TUSC3: variants seen among roughly 807,000 people sequenced by gnomAD.
TUSC3 encodes tumor suppressor candidate 3, also known as dolichyl-diphosphooligosaccharide--protein glycosyltransferase subunit TUSC3.
Under a neutral mutation model 44.8 loss-of-function variants are expected in TUSC3, and 45 were observed. The ratio of observed to expected loss-of-function variants is 1.00; its 90% CI spans 0.79 to 1.29. The LOEUF is 1.29. Ranked by LOEUF, TUSC3 falls within the 50% of genes most tolerant of loss-of-function variation. TUSC3 has a pLI of 0.00. For synonymous variants in TUSC3, 212 were observed against 152.9 expected, an observed-to-expected ratio of 1.39 and a Z score of -2.85; for missense variants, 519 against 437.9, an observed-to-expected ratio of 1.19 and a Z score of -1.65.
the TUSC3 span, among the ~76,000 whole-genome samples, chr8:15,836,544 A>AT: frequency 1.3e-5 from 2 of 151,920 alleles, no homozygotes; most frequent in African/African-American, 4.8e-5. Context: ...TCTCTGTCTT[A>AT]CCCTTTTCCA....
At position 15,578,944 on chromosome 8, in the gene TUSC3, C is replaced by G. The variant is rs373462490; in HGVS notation, c.138+38376C>G. ...GAATTCAGCTGTGAATCCATCTGGTCCTGGACTCTTTTTGGCTGGTAAGCT... is the reference window on the plus strand; with the variant it reads ...GAATTCAGCTGTGAATCCATCTGGTGCTGGACTCTTTTTGGCTGGTAAGCT... On this transcript the variant is annotated intron_variant, in intron 1 of 10. Coordinates refer to ENST00000503731, the MANE Select transcript of TUSC3 (RefSeq NM_006765.4). 3.5e-3 allele frequency among the ~76,000 whole-genome samples: 531 copies of G among 152,136 alleles called. 8 individuals are homozygous for G. The East Asian group carries it at 0.036, about 10-fold the overall frequency.
At chr8:15,592,144 A>G (rs1272997129) in intron 1 of TUSC3, among the ~76,000 whole-genome samples, 5 of 152,194 alleles carry the variant, frequency 3.3e-5, no homozygotes, top group Non-Finnish European at 7.4e-5. Context: ...TAGATTCTTG[A>G]CTTGAATAGT....
upstream of TUSC3, among the ~76,000 whole-genome samples, chr8:15,539,345 C>CTT (rs35685582): frequency 0.015 from 1,050 of 69,388 alleles, 52 homozygotes; most frequent in African/African-American, 0.021. Flanking sequence ...TGCTATGGTT[C>CTT]TTTTTTTTTT....
At chr8:15,614,826 AAT>A (rs893741613) in intron 1 of TUSC3, among the ~76,000 whole-genome samples, 2 of 151,976 alleles carry the variant, frequency 1.3e-5, no homozygotes, top group African/African-American at 4.8e-5. Context: ...GTTACATAAT[AAT>A]TTATATATGA....
At chr8:15,803,679 A>G in the TUSC3 span, among the ~76,000 whole-genome samples, 1 of 152,068 alleles carries the variant, frequency 6.6e-6, no homozygotes, top group Non-Finnish European at 1.5e-5. Context: ...CCCTGCATGC[A>G]TTAGGTATTT....
At chr8:15,794,682 T>C in the TUSC3 span, among the ~76,000 whole-genome samples, 1 of 147,538 alleles carries the variant, frequency 6.8e-6, no homozygotes, top group Non-Finnish European at 1.5e-5. Flanking sequence ...GACACCTGCA[T>C]GTGAGTGTGC....
At chr8:15,507,854 C>G (rs73536418) in intron 2 of TUSC3, among the ~76,000 whole-genome samples, 5,260 of 152,042 alleles carry the variant, frequency 0.035, 307 homozygotes, top group African/African-American at 0.12. Context: ...TTAATGGCCT[C>G]CCCAAGAGGT....
intron 3 of TUSC3, among the ~76,000 whole-genome samples, chr8:15,652,836 A>T (rs754887825): frequency 6.6e-6 from 1 of 152,206 alleles, no homozygotes; most frequent in Non-Finnish European, 1.5e-5. Context: ...CAAATATCTT[A>T]CATGACTAGA....
At chr8:15,547,952 C>CT (rs1210131850) in intron 1 of TUSC3, among the ~76,000 whole-genome samples, 1 of 151,276 alleles carries the variant, frequency 6.6e-6, no homozygotes, top group African/African-American at 2.4e-5. Context: ...TTATTTTTAA[C>CT]TTTTTTCTGT....
At chr8:15,417,765 G>A (rs983835222) in intron 1 of TUSC3, among the ~76,000 whole-genome samples, 3 of 152,200 alleles carry the variant, frequency 2.0e-5, no homozygotes, top group African/African-American at 7.2e-5. Context: ...CTAGCCAGCT[G>A]TAATCATTTA....
intron 8 of TUSC3, among the ~76,000 whole-genome samples, chr8:15,744,157 T>C (rs935865365): frequency 8.5e-5 from 13 of 152,186 alleles, no homozygotes; most frequent in African/African-American, 3.1e-4. Context: ...TCCATTGATA[T>C]ACCAAGATTT....
chr8:15,523,793 T>G (rs1427626418), intron 2 of TUSC3, among the ~76,000 whole-genome samples: 1 of 149,380 alleles, frequency 6.7e-6, no homozygotes. Context: ...CGCGGAGGCT[T>G]ACGCCTGTAA....
At chr8:15,768,311 G>C (rs1357704619), downstream of TUSC3, among the ~76,000 whole-genome samples, 1 of 152,094 alleles carries the variant, frequency 6.6e-6, no homozygotes, top group Non-Finnish European at 1.5e-5. Context: ...TTCACAACAA[G>C]CCGTGATAAC....
chr8:15,689,080 A>G, intron 6 of TUSC3: 3 of 373,318 alleles, frequency 8.0e-6, no homozygotes. Context: ...TCTGCCCTGT[A>G]GTTTGCCTTT....
At chr8:15,678,059 C>G (rs1808265195) in intron 6 of TUSC3, among the ~76,000 whole-genome samples, 1 of 152,160 alleles carries the variant, frequency 6.6e-6, no homozygotes, top group South Asian at 2.1e-4. Context: ...ACATGTTTAT[C>G]CAGTCAGTAT....
chr8:15,761,066 T>A (rs896832085), intron 10 of TUSC3, among the ~76,000 whole-genome samples: 16 of 152,194 alleles, frequency 1.1e-4, no homozygotes, highest in Admixed American at 5.9e-4. Flanking sequence ...ATGCACAGAA[T>A]CTAGTACACA....
chr8:15,685,604 T>C (rs1347619113), intron 6 of TUSC3, among the ~76,000 whole-genome samples: 3 of 152,220 alleles, frequency 2.0e-5, no homozygotes, highest in Non-Finnish European at 4.4e-5. Flanking sequence ...TGGTATTCAC[T>C]GCAGTCCTCT....
chr8:15,801,678 G>T, the TUSC3 span, among the ~76,000 whole-genome samples: 5 of 152,154 alleles, frequency 3.3e-5, no homozygotes, highest in African/African-American at 9.7e-5. Flanking sequence ...CATGAGGGTT[G>T]TGAGAGCTGT....
At position 15,743,625 on chromosome 8, in the gene TUSC3, GT is replaced by G; in HGVS notation, c.937+15del. 6.2e-7 allele frequency: 1 copy of G among 1,613,770 alleles called. No individual in the cohort carries two copies. The highest frequency in any genetic ancestry group is 8.5e-7 in the Non-Finnish European group (1 of 1,179,744). ...GGAAAAAGACGGAGTAAGTCTCTGT[GT>G]TGCCATTTTTGTAATTTCGTTTTAG... On this transcript the variant is annotated intron_variant, in intron 8 of 10. Coordinates refer to ENST00000503731, the MANE Select transcript of TUSC3 (RefSeq NM_006765.4).
Sources: gnomAD v4.1 joint callset for allele counts (sites outside exome capture counted in the v4.1 genomes callset) on GRCh38, gnomAD v4.1.1 for gene constraint, MANE v1.5 for transcripts, NCBI Gene and HGNC (gene_info 2026-07-23, HGNC 2026-07-21) for gene names.